Variants in AGMO observed in about 807,000 individuals in gnomAD.
AGMO encodes the protein alkylglycerol monooxygenase.
A neutral mutation model predicts 60.2 loss-of-function variants in AGMO; 75 were observed. The ratio of observed to expected loss-of-function variants is 1.25; its 90% confidence interval spans 1.03 to 1.51. The LOEUF is 1.51. Ranked by LOEUF, AGMO falls within the 40% of genes most tolerant of loss-of-function variation. The pLI is 0.00. For missense variants in AGMO, 763 were observed against 525.5 expected, an observed-to-expected ratio of 1.45 and a Z score of -4.42; for synonymous variants, 261 against 177.1, an observed-to-expected ratio of 1.47 and a Z score of -3.76.
In AGMO at chr7:15,264,767, A is replaced by G. The variant is rs181446471; in HGVS notation, c.1264-63408T>C. ...TACCATTCAGAATGGTGGTAATTAA[A>G]AAGTCAAAATATAACAAGTGCTGGT... On this transcript the variant is annotated intron_variant, in intron 12 of 12. Transcript: ENST00000342526. 9.5e-4 allele frequency among the ~76,000 whole-genome samples: 145 copies of G among 152,250 alleles called. 1 individual carries two copies. The highest frequency in any genetic ancestry group is 3.4e-3 in the Middle Eastern group (1 of 294).
intron 3 of AGMO, among the ~76,000 whole-genome samples, chr7:15,497,898 A>C (rs1310527718): frequency 1.3e-5 from 2 of 152,056 alleles, no homozygotes; most frequent in South Asian, 4.1e-4. Context: ...GCAGATTTAA[A>C]GACCAATGCC....
Position 15,500,836 on chromosome 7 carries a change from G to T in AGMO, c.409+43936C>A, listed in dbSNP as rs149991122. On this transcript the variant is annotated intron_variant, in intron 3 of 12. Coordinates refer to ENST00000342526, the MANE Select transcript of AGMO (RefSeq NM_001004320.2). ...AGATGTGGGCCTTTAGTGCTCTAAG[G>T]TTCCCTCTTAACACTGCCTCAGCTG... Among the ~76,000 whole-genome samples, 599 of 151,894 alleles carry T rather than the reference G, an allele frequency of 3.9e-3. 4 individuals carry two copies. Among genetic ancestry groups the T allele is most frequent in the African/African-American group, 0.014 (568 of 41,458 alleles).
intron 3 of AGMO, among the ~76,000 whole-genome samples, chr7:15,437,062 A>T (rs1323518086): frequency 6.6e-6 from 1 of 152,200 alleles, no homozygotes; most frequent in African/African-American, 2.4e-5. Context: ...ATAAATAAAT[A>T]TAATAAATAA....
At chr7:15,148,979 CCT>C in the AGMO span, among the ~76,000 whole-genome samples, 2 of 152,034 alleles carry the variant, frequency 1.3e-5, no homozygotes, top group Admixed American at 1.3e-4. Flanking sequence ...CTCGCTAACA[CCT>C]GTTATTTTCT....
chr7:15,312,073 G>T (rs1410046302), intron 12 of AGMO, among the ~76,000 whole-genome samples: 1 of 151,946 alleles, frequency 6.6e-6, no homozygotes, highest in Non-Finnish European at 1.5e-5. Context: ...AAAAGAGAAT[G>T]AGACAGGGAG....
At chr7:15,139,440 G>A in the AGMO span, among the ~76,000 whole-genome samples, 3 of 152,094 alleles carry the variant, frequency 2.0e-5, no homozygotes, top group African/African-American at 4.8e-5. Context: ...GAGGTTTGTT[G>A]TACAGATTAT....
chr7:15,128,337 T>A, the AGMO span, among the ~76,000 whole-genome samples: 1 of 152,240 alleles, frequency 6.6e-6, no homozygotes, highest in Admixed American at 6.5e-5. Context: ...TTGAACAAAC[T>A]CTTCAATTTC....
In AGMO at chr7:15,302,501, G is replaced by C. The variant is rs148524258; in HGVS notation, c.1263+63013C>G. 4.7e-3 allele frequency among the ~76,000 whole-genome samples: 721 copies of C among 152,094 alleles called. 6 individuals carry two copies. Among genetic ancestry groups the C allele is most frequent in the African/African-American group, 0.016 (680 of 41,508 alleles). ...TTGTTCTAACTCTAGAACTTAATAA[G>C]AACAAACTTCAAAATATAATACAGA... On this transcript the variant is annotated intron_variant, in intron 12 of 12. Transcript: ENST00000342526.
Position 15,553,342 on chromosome 7 carries a change from TA to T in AGMO, c.257+6798del, listed in dbSNP as rs1286556344. 2.3e-3 allele frequency among the ~76,000 whole-genome samples: 345 copies of T among 150,566 alleles called. 1 individual carries two copies. The highest frequency in any genetic ancestry group is 7.7e-3 in the African/African-American group (316 of 41,140). ...ATAATAAAAAAAATAAATAAATAAA[TA>T]AAATAAAATAAAATAGAAAAAAAAG... On this transcript the variant is annotated intron_variant, in intron 2 of 12. Coordinates refer to ENST00000342526, the MANE Select transcript of AGMO (RefSeq NM_001004320.2).
downstream of AGMO, among the ~76,000 whole-genome samples, chr7:15,196,098 A>C (rs7782811): frequency 0.24 from 36,839 of 150,860 alleles, 4,912 homozygotes; most frequent in East Asian, 0.49. Flanking sequence ...GCTGGAATGC[A>C]GTGGTGTGAT....
At chr7:15,461,042 G>C (rs1583575980) in intron 3 of AGMO, among the ~76,000 whole-genome samples, 1 of 152,162 alleles carries the variant, frequency 6.6e-6, no homozygotes, top group Non-Finnish European at 1.5e-5. Context: ...GAAGACAGAT[G>C]TATTTCCTGC....
chr7:15,393,000 G>A (rs1254949742), intron 6 of AGMO, among the ~76,000 whole-genome samples: 1 of 152,240 alleles, frequency 6.6e-6, no homozygotes, highest in Non-Finnish European at 1.5e-5. Flanking sequence ...AGTACCGAAA[G>A]TAAACAGAAC....
At chr7:15,435,576 T>C (rs1000374265) in intron 3 of AGMO, among the ~76,000 whole-genome samples, 4 of 152,222 alleles carry the variant, frequency 2.6e-5, no homozygotes, top group African/African-American at 9.6e-5. Context: ...GGTTGTTTTC[T>C]TAAGTTTTGA....
At chr7:15,494,916 A>G (rs1783183120) in intron 3 of AGMO, among the ~76,000 whole-genome samples, 1 of 152,242 alleles carries the variant, frequency 6.6e-6, no homozygotes, top group South Asian at 2.1e-4. Flanking sequence ...AAGCATAGAA[A>G]TGCAGAGTGT....
intron 3 of AGMO, among the ~76,000 whole-genome samples, chr7:15,475,173 C>T (rs1374462644): frequency 6.6e-6 from 1 of 152,038 alleles, no homozygotes; most frequent in African/African-American, 2.4e-5. Flanking sequence ...ACCTTTTGTC[C>T]AAGGAATCCC....
intron 3 of AGMO, among the ~76,000 whole-genome samples, chr7:15,511,198 C>A (rs536109373): frequency 6.6e-6 from 1 of 152,186 alleles, no homozygotes; most frequent in Admixed American, 6.5e-5. Context: ...GCCATCCTAT[C>A]ACAGGGCACT....
intron 12 of AGMO, among the ~76,000 whole-genome samples, chr7:15,227,273 C>G (rs766413361): frequency 1.3e-5 from 2 of 152,008 alleles, no homozygotes; most frequent in Admixed American, 6.6e-5. Context: ...CAGCCAATCA[C>G]ATCAAGCAAA....
chr7:15,176,468 G>T, the AGMO span, among the ~76,000 whole-genome samples: 5 of 152,060 alleles, frequency 3.3e-5, no homozygotes, highest in East Asian at 7.7e-4. Context: ...CAGACAGGAA[G>T]TTTTATTATT....
intron 4 of AGMO, among the ~76,000 whole-genome samples, chr7:15,429,187 A>C (rs965784988): frequency 6.6e-6 from 1 of 152,076 alleles, no homozygotes; most frequent in Admixed American, 6.6e-5. Context: ...GTGTTTCTTC[A>C]ATAGTGCCTT....
Sources: allele counts gnomAD v4.1 joint callset (sites outside exome capture counted in the v4.1 genomes callset), GRCh38; gene constraint gnomAD v4.1.1; transcripts MANE v1.5; gene names NCBI Gene and HGNC (gene_info 2026-07-23, HGNC 2026-07-21).